FAM151B: variants seen among roughly 807,000 people sequenced by gnomAD.
The protein encoded by FAM151B is protein FAM151B.
A neutral mutation model predicts 31.2 loss-of-function variants in FAM151B; 24 were observed. That is an observed-to-expected ratio of 0.77 (90% CI 0.56 to 1.08). The LOEUF (loss-of-function observed/expected upper bound fraction) is 1.08, where lower values mean the gene tolerates loss of function less well. FAM151B is among the 50% of genes least tolerant of loss of function. The probability of loss-of-function intolerance (pLI) is 0.00; values close to 1 mark genes in which losing one functional copy is unlikely to be tolerated. For missense variants in FAM151B, 293 were observed against 328.6 expected (o/e 0.89, Z 0.84); for synonymous variants, 105 against 111.4 (o/e 0.94, Z 0.36).
chr5:80,530,571 A>C (rs1745191064), intron 5 of FAM151B, among the ~76,000 whole-genome samples: 1 of 152,208 alleles, frequency 6.6e-6, no homozygotes, highest in Non-Finnish European at 1.5e-5. Flanking sequence ...CCAAAATCAC[A>C]AGCGTTCCTA....
intron 2 of FAM151B, among the ~76,000 whole-genome samples, chr5:80,502,988 A>G (rs934784943): frequency 6.6e-6 from 1 of 152,210 alleles, no homozygotes; most frequent in African/African-American, 2.4e-5. Context: ...GTAAGGAGTC[A>G]ATGCTAATGA....
rs1745667214 is a variant in FAM151B at position 80,538,452 on chromosome 5, T to TTCTTTCTTTCTTTCTTTC, written c.672-3219_672-3202dup. Among the ~76,000 whole-genome samples the TTCTTTCTTTCTTTCTTTC allele has an allele frequency of 6.1e-5, 3 of 49,500 alleles. 1 individual carries two copies. Among genetic ancestry groups the TTCTTTCTTTCTTTCTTTC allele is most frequent in the Non-Finnish European group, 1.3e-4 (3 of 23,936 alleles). 32.5% of individuals were successfully genotyped at this position (49,500 alleles called of 152,430 possible). Reference sequence around the variant, plus strand: ...TCTTTCTTTCTTTCTTTCTTTCTCTTTCTTTCTTTCTTTCTTTCTTTCTTT... The same window carrying TTCTTTCTTTCTTTCTTTC: ...TCTTTCTTTCTTTCTTTCTTTCTCTTTCTTTCTTTCTTTCTTTCTCTTTCTTTCTTTCTTTCTTTCTTT... On this transcript the variant is annotated intron_variant, in intron 5 of 5. Coordinates refer to ENST00000282226, the MANE Select transcript of FAM151B (RefSeq NM_205548.3).
chr5:80,536,569 AG>A (rs1263651005), intron 5 of FAM151B, among the ~76,000 whole-genome samples: 1 of 152,180 alleles, frequency 6.6e-6, no homozygotes, highest in East Asian at 1.9e-4. Flanking sequence ...AAAGGAAATC[AG>A]TGTATCGGAG....
intron 2 of FAM151B, among the ~76,000 whole-genome samples, chr5:80,504,668 T>C (rs144678041): frequency 0.022 from 3,276 of 151,882 alleles, 67 homozygotes; most frequent in South Asian, 0.037. Context: ...TATGGGCATG[T>C]GCCACCATGC....
At chr5:80,539,489 C>T (rs1735505403) in intron 5 of FAM151B, among the ~76,000 whole-genome samples, 1 of 150,482 alleles carries the variant, frequency 6.6e-6, no homozygotes, top group African/African-American at 2.4e-5. Flanking sequence ...TTGTTTTGTT[C>T]TTGTTTTTGT....
Position 80,541,910 on chromosome 5 carries a change from A to T in FAM151B, c.*78A>T. 1 of 1,405,250 alleles carries T rather than the reference A, an allele frequency of 7.1e-7. No homozygotes were observed. The highest frequency in any genetic ancestry group is 9.6e-7 in the Non-Finnish European group (1 of 1,037,782). 87.0% of individuals were successfully genotyped at this position (1,405,250 alleles called of 1,614,324 possible). A position where few individuals can be genotyped will look rare whatever the true frequency, so the allele number is the denominator to read the frequency against. ...ATTGGTCTGAATTAATTACCATATA[A>T]ATTATGGTTATTGATTGACGTTCCA... On this transcript the variant is annotated 3_prime_UTR_variant, in exon 6 of 6. Transcript: ENST00000282226.
intron 5 of FAM151B, among the ~76,000 whole-genome samples, chr5:80,538,352 C>A (rs149729785): frequency 1.3e-5 from 2 of 151,756 alleles, no homozygotes; most frequent in African/African-American, 4.8e-5. Flanking sequence ...CAGGCATGAG[C>A]CACCGCACCC....
chr5:80,504,415 C>G (rs1743869160), intron 2 of FAM151B, among the ~76,000 whole-genome samples: 1 of 149,518 alleles, frequency 6.7e-6, no homozygotes, highest in Admixed American at 6.7e-5. Flanking sequence ...ACCTTAGGAA[C>G]ATACTTTACA....
In FAM151B at chr5:80,538,448, C is replaced by CTTTCTTTCTCTT. The variant is rs1235874356; in HGVS notation, c.672-3224_672-3223insTTCTTTCTCTTT. On this transcript the variant is annotated intron_variant, in intron 5 of 5. Transcript: ENST00000282226. ...TCTTTCTTTCTTTCTTTCTTTCTTTCTCTTTCTTTCTTTCTTTCTTTCTTT... is the reference window on the plus strand; with the variant it reads ...TCTTTCTTTCTTTCTTTCTTTCTTTCTTTCTTTCTCTTTCTTTCTTTCTTTCTTTCTTTCTTT... Among the ~76,000 whole-genome samples, 97 of 49,314 alleles carry CTTTCTTTCTCTT rather than the reference C, an allele frequency of 2.0e-3. 7 individuals are homozygous for CTTTCTTTCTCTT. The highest frequency in any genetic ancestry group is 6.3e-3 in the South Asian group (8 of 1,276). 32.4% of individuals were successfully genotyped at this position (49,314 alleles called of 152,430 possible). A position where few individuals can be genotyped will look rare whatever the true frequency, so the allele number is the denominator to read the frequency against.
At chr5:80,495,531 A>C (rs1438886709) in intron 1 of FAM151B, among the ~76,000 whole-genome samples, 1 of 152,176 alleles carries the variant, frequency 6.6e-6, no homozygotes, top group African/African-American at 2.4e-5. Context: ...TGCAAATGTG[A>C]TAGAAATAGC....
At chr5:80,513,231 T>G (rs1303295806) in intron 2 of FAM151B, among the ~76,000 whole-genome samples, 1 of 152,238 alleles carries the variant, frequency 6.6e-6, no homozygotes, top group Non-Finnish European at 1.5e-5. Context: ...TATCCATAAT[T>G]TCTAATTTGA....
Position 80,513,696 on chromosome 5 carries a change from A to G in FAM151B, c.244A>G (p.Ser82Gly), listed in dbSNP as rs144243505. Reference sequence around the variant, plus strand: ...TATGGCCCATCCCCCTGAAACAAACAGTGATAATACTCTACAGGAGTGGCT... The same window carrying G: ...TATGGCCCATCCCCCTGAAACAAACGGTGATAATACTCTACAGGAGTGGCT... The part of the protein sequence containing the change: ...PIMAHPPETN[S>G]DNTLQEWLTE... Residue 82 changes from serine to glycine, a missense_variant, in exon 3 of 6, where the codon AGT (serine) becomes GGT (glycine). Transcript: ENST00000282226. 6.2e-7 allele frequency: 1 copy of G among 1,614,186 alleles called. No individual in the cohort carries two copies. Among genetic ancestry groups the G allele is most frequent in the Non-Finnish European group, 8.5e-7 (1 of 1,180,036 alleles).
At chr5:80,494,520 C>CTTTCTTTCTTT (rs1743457912) in intron 1 of FAM151B, among the ~76,000 whole-genome samples, 1 of 123,828 alleles carries the variant, frequency 8.1e-6, no homozygotes, top group African/African-American at 3.3e-5. Context: ...TTCTTTCTTT[C>CTTTCTTTCTTT]TTTCTTTTTT....
chr5:80,522,310 A>G (rs1744757002), intron 5 of FAM151B, 172 bp downstream of exon 5: 1 of 578,162 alleles, frequency 1.7e-6, no homozygotes, highest in Non-Finnish European at 2.8e-6. Flanking sequence ...GAGCTCCTTG[A>G]TGAACCTTAA....
At chr5:80,496,062 C>T (rs780727468) in intron 1 of FAM151B, among the ~76,000 whole-genome samples, 4 of 152,162 alleles carry the variant, frequency 2.6e-5, no homozygotes, top group Non-Finnish European at 4.4e-5. Flanking sequence ...ATTACATACA[C>T]TTAGTTGTTA....
chr5:80,518,749 A>C (rs1016450769), intron 3 of FAM151B: 2 of 152,158 alleles, frequency 1.3e-5, no homozygotes, highest in African/African-American at 4.8e-5. Flanking sequence ...AGATTATTTA[A>C]ATTTCTTCTC....
intron 2 of FAM151B, among the ~76,000 whole-genome samples, chr5:80,511,518 A>G (rs1744187276): frequency 6.6e-6 from 1 of 151,278 alleles, no homozygotes; most frequent in Non-Finnish European, 1.5e-5. Flanking sequence ...TATGGAGTAC[A>G]CTTGTGCGAT....
At chr5:80,511,435 CAAAAAAAAAAAAAA>C (rs57587683) in intron 2 of FAM151B, among the ~76,000 whole-genome samples, 4 of 54,086 alleles carry the variant, frequency 7.4e-5, no homozygotes, top group Admixed American at 2.5e-4. Context: ...GACTCTGTCT[CAAAAAAAAAAAAAA>C]AAAAAAAAAA....
intron 1 of FAM151B, among the ~76,000 whole-genome samples, chr5:80,494,576 G>T (rs1353358496): frequency 1.3e-5 from 2 of 150,674 alleles, no homozygotes; most frequent in African/African-American, 4.9e-5. Flanking sequence ...GCAGTGGCAT[G>T]ATCGTGGCTA....
Sources: allele counts gnomAD v4.1 joint callset (sites outside exome capture counted in the v4.1 genomes callset), GRCh38; gene constraint gnomAD v4.1.1; transcripts MANE v1.5; gene names NCBI Gene and HGNC (gene_info 2026-07-23, HGNC 2026-07-21).